LYRM4: variants seen among roughly 807,000 people sequenced by gnomAD.
LYRM4 encodes LYR motif containing 4.
In LYRM4, 9 loss-of-function variants were observed where a neutral mutation model predicts 11.7. That is an observed-to-expected ratio of 0.77 (90% CI 0.46 to 1.34). The LOEUF is 1.34. Among genes scored for constraint, LYRM4 ranks in the 40% most tolerant of loss-of-function variants. The pLI is 0.00. For synonymous variants in LYRM4, 42 were observed against 40.4 expected, an observed-to-expected ratio of 1.04 and a Z score of -0.15; for missense variants, 133 against 112.5, an observed-to-expected ratio of 1.18 and a Z score of -0.82.
intron 2 of LYRM4, among the ~76,000 whole-genome samples, chr6:5,207,891 A>G (rs1761786310): frequency 6.6e-6 from 1 of 152,188 alleles, no homozygotes; most frequent in African/African-American, 2.4e-5. Flanking sequence ...AAAAGGAAAC[A>G]TGCATCTTGC....
chr6:5,138,842 G>A, intron 2 of LYRM4: 1 of 825,898 alleles, frequency 1.2e-6, no homozygotes, highest in Non-Finnish European at 1.9e-6. Flanking sequence ...AGGTGTTTAA[G>A]ACAGGTTAAA....
the LYRM4 span, among the ~76,000 whole-genome samples, chr6:5,052,015 C>T: frequency 6.6e-6 from 1 of 152,150 alleles, no homozygotes. Flanking sequence ...ATAACCCAAA[C>T]ACTTCCCATT....
chr6:5,210,619 G>A (rs1761943145), intron 2 of LYRM4, among the ~76,000 whole-genome samples: 1 of 152,166 alleles, frequency 6.6e-6, no homozygotes, highest in Admixed American at 6.5e-5. Context: ...AACATGACCA[G>A]AACTTTTTCA....
intron 1 of LYRM4, among the ~76,000 whole-genome samples, chr6:5,244,708 C>A (rs1764061652): frequency 6.6e-6 from 1 of 151,978 alleles, no homozygotes. Context: ...GAGAGGGCCA[C>A]AACAACAGTG....
the LYRM4 span, among the ~76,000 whole-genome samples, chr6:5,044,529 C>T: frequency 1.2e-4 from 19 of 152,364 alleles, no homozygotes; most frequent in African/African-American, 4.3e-4. Flanking sequence ...GCTTTACTTC[C>T]AGATCACCAT....
At chr6:5,073,127 C>A in the LYRM4 span, among the ~76,000 whole-genome samples, 2 of 152,082 alleles carry the variant, frequency 1.3e-5, no homozygotes, top group Non-Finnish European at 2.9e-5. Context: ...GTAATCCCAG[C>A]GCTTTGGGAG....
At chr6:5,086,071 C>G in the LYRM4 span, 10 of 1,468,912 alleles carry the variant, frequency 6.8e-6, no homozygotes, top group Admixed American at 1.5e-4. Flanking sequence ...GCCGCCTTCC[C>G]GGCTCCGGCC....
At chr6:5,203,681 C>T (rs1761522755) in intron 2 of LYRM4, among the ~76,000 whole-genome samples, 1 of 152,226 alleles carries the variant, frequency 6.6e-6, no homozygotes. Flanking sequence ...CTTCACAGCT[C>T]CACTTAATGC....
intron 2 of LYRM4, among the ~76,000 whole-genome samples, chr6:5,157,406 C>T (rs1425622676): frequency 6.6e-6 from 1 of 151,792 alleles, no homozygotes; most frequent in African/African-American, 2.4e-5. Context: ...GTAAGATCCA[C>T]AGCAATTATT....
the LYRM4 span, among the ~76,000 whole-genome samples, chr6:5,091,021 T>C: frequency 2.0e-5 from 3 of 152,152 alleles, no homozygotes; most frequent in Admixed American, 6.5e-5. Context: ...TGGAACTGAA[T>C]CAAACTTGCA....
the LYRM4 span, among the ~76,000 whole-genome samples, chr6:5,051,228 A>C: frequency 6.6e-6 from 1 of 152,236 alleles, no homozygotes; most frequent in Non-Finnish European, 1.5e-5. Flanking sequence ...TTCCAGAAGG[A>C]GAAGACAAAG....
the LYRM4 span, among the ~76,000 whole-genome samples, chr6:5,092,634 C>T: frequency 6.6e-6 from 1 of 152,142 alleles, no homozygotes; most frequent in African/African-American, 2.4e-5. Context: ...AGAACAATCC[C>T]TTGAACCCGG....
intron 2 of LYRM4, among the ~76,000 whole-genome samples, chr6:5,118,026 A>C (rs138054005): frequency 6.6e-6 from 1 of 151,154 alleles, no homozygotes; most frequent in African/African-American, 2.4e-5. Flanking sequence ...TAAGATAGCT[A>C]CACTTTCATG....
At chr6:5,197,377 T>C (rs564934895) in intron 2 of LYRM4, among the ~76,000 whole-genome samples, 5 of 152,148 alleles carry the variant, frequency 3.3e-5, no homozygotes, top group East Asian at 3.9e-4. Context: ...TATCTTAGAA[T>C]AGATTTTAAT....
intron 1 of LYRM4, among the ~76,000 whole-genome samples, chr6:5,229,476 G>T (rs1763104090): frequency 6.6e-6 from 1 of 151,856 alleles, no homozygotes; most frequent in Non-Finnish European, 1.5e-5. Flanking sequence ...TAAGGGCAAA[G>T]AGGGAGAGAA....
chr6:5,058,212 T>C, the LYRM4 span, among the ~76,000 whole-genome samples: 1 of 152,170 alleles, frequency 6.6e-6, no homozygotes, highest in Admixed American at 6.5e-5. Context: ...GGAGAGGACC[T>C]GAGTTCCATG....
chr6:5,142,466 G>A (rs1202205281), intron 2 of LYRM4, among the ~76,000 whole-genome samples: 2 of 152,264 alleles, frequency 1.3e-5, no homozygotes, highest in Non-Finnish European at 2.9e-5. Context: ...CCCTCGCCAT[G>A]CCCTGTCTGA....
intron 1 of LYRM4, among the ~76,000 whole-genome samples, chr6:5,252,136 T>G (rs1425646022): frequency 2.0e-5 from 3 of 152,246 alleles, no homozygotes; most frequent in African/African-American, 4.8e-5. Context: ...GGAGCCTGTT[T>G]AACCATTTCA....
At position 5,245,125 on chromosome 6, in the gene LYRM4, T is replaced by A. The variant is rs1272771252; in HGVS notation, c.86+15523A>T. 2.6e-3 allele frequency among the ~76,000 whole-genome samples: 109 copies of A among 41,868 alleles called. 2 individuals carry two copies. Among genetic ancestry groups the A allele is most frequent in the Non-Finnish European group, 3.2e-3 (76 of 23,980 alleles). The allele number at this position is 41,868 out of a possible 152,430, so 27.5% of individuals were successfully genotyped here. ...AAAAAAAAAAAAAAATATATATATA[T>A]ATATATATATATATATATATATATA... On this transcript the variant is annotated intron_variant, in intron 1 of 2. Coordinates refer to ENST00000330636, the MANE Select transcript of LYRM4 (RefSeq NM_020408.6).
Sources: allele counts gnomAD v4.1 joint callset (sites outside exome capture counted in the v4.1 genomes callset), GRCh38; gene constraint gnomAD v4.1.1; transcripts MANE v1.5; gene names NCBI Gene and HGNC (gene_info 2026-07-23, HGNC 2026-07-21).